The following WASHC5 variants were observed in gnomAD, a reference collection of about 807,000 sequenced individuals.
WASHC5 encodes WASH complex subunit 5, also known as WASH complex subunit strumpellin.
In WASHC5, 101 loss-of-function variants were observed where a neutral mutation model predicts 150.4. That is an observed-to-expected ratio of 0.67 (90% CI 0.57 to 0.79). WASHC5 has a LOEUF of 0.79. Ranked by LOEUF, WASHC5 falls within the 30% of genes least tolerant of loss-of-function variation. WASHC5 has a pLI of 0.00. For synonymous variants in WASHC5, 467 were observed against 491.2 expected (o/e 0.95, Z 0.65); for missense variants, 1,195 against 1,396.3 (o/e 0.86, Z 2.30).
chr8:125,052,539 C>T (rs1017990390), intron 17 of WASHC5, among the ~76,000 whole-genome samples: 1 of 151,870 alleles, frequency 6.6e-6, no homozygotes, highest in African/African-American at 2.4e-5. Context: ...TGTACAGAGA[C>T]ACGCAAGTAT....
At chr8:125,076,798 T>G (rs573987661) in intron 6 of WASHC5, among the ~76,000 whole-genome samples, 1 of 150,320 alleles carries the variant, frequency 6.7e-6, no homozygotes, top group East Asian at 1.9e-4. Context: ...TCTCCATTTT[T>G]GTATCTTTCC....
At chr8:125,037,405 T>A (rs1815747042) in intron 25 of WASHC5, 72 bp from the exon 26 acceptor site, 1 of 952,244 alleles carries the variant, frequency 1.1e-6, no homozygotes, top group East Asian at 2.4e-5. Context: ...GGTTTCCAAA[T>A]GAAAATCTTC....
At chr8:125,066,440 C>T (rs1329484912) in intron 10 of WASHC5, among the ~76,000 whole-genome samples, 1 of 152,128 alleles carries the variant, frequency 6.6e-6, no homozygotes, top group African/African-American at 2.4e-5. Context: ...TGATCCAAGC[C>T]CCCAGGGATA....
chr8:125,039,723 T>C, intron 24 of WASHC5, 72 bp downstream of exon 24: 1 of 1,008,452 alleles, frequency 9.9e-7, no homozygotes, highest in South Asian at 1.3e-5. Context: ...GAGTAAGAAC[T>C]GAAGAAACTG....
chr8:125,061,050 C>T (rs1325098223), intron 12 of WASHC5, 32 bp downstream of exon 12: 5 of 1,260,122 alleles, frequency 4.0e-6, no homozygotes, highest in Non-Finnish European at 5.8e-6. Context: ...ATTCATGATC[C>T]AAGAACCTGC....
At position 125,028,628 on chromosome 8, in the gene WASHC5, G is replaced by T. The variant is rs190787328; in HGVS notation, c.3415C>A (p.Pro1139Thr). The change falls in exon 28 of 29, where the codon CCC becomes ACC. Residue 1139 changes from proline to threonine, a missense_variant. Around this residue, in one of 3 missense-constraint regions of WASHC5, gnomAD observed 997 missense variants for 1,168.1 expected, o/e 0.85. Transcript: ENST00000318410. The stretch of plus-strand genomic sequence containing the variant: ...TACTATCTATCACTTACCCTCCTGG[G>T]TAGCTTTGTGTACCGAACATAATCC... ...LEDYVRYTKL[P>T]RRVAEAHVPN... is the part of the protein sequence containing the mutation. 4 of 1,607,768 alleles carry T rather than the reference G, an allele frequency of 2.5e-6. No individual in the cohort carries two copies. The East Asian group carries it at 8.9e-5, about 36-fold the overall frequency.
chr8:125,038,669 GA>G (rs1398425768), intron 25 of WASHC5, among the ~76,000 whole-genome samples, 160 bp downstream of exon 25: 32 of 152,314 alleles, frequency 2.1e-4, no homozygotes, highest in African/African-American at 7.2e-4. Flanking sequence ...GCCAGGCGGG[GA>G]AAGTGTGATG....
chr8:125,081,397 C>A (rs1817257820), intron 5 of WASHC5, among the ~76,000 whole-genome samples: 1 of 152,074 alleles, frequency 6.6e-6, no homozygotes, highest in African/African-American at 2.4e-5. Context: ...ACCACCGTGC[C>A]TGGCTAATTT....
chr8:125,076,610 C>G (rs1377940052), intron 6 of WASHC5, 110 bp from the exon 7 acceptor site: 6 of 1,291,098 alleles, frequency 4.6e-6, no homozygotes, highest in Non-Finnish European at 6.6e-6. Flanking sequence ...CAAAGCCCAT[C>G]ACCTTTCAGG....
At chr8:125,079,728 C>T (rs906793961) in intron 5 of WASHC5, among the ~76,000 whole-genome samples, 1 of 152,070 alleles carries the variant, frequency 6.6e-6, no homozygotes, top group Non-Finnish European at 1.5e-5. Flanking sequence ...TAAATATTTA[C>T]AAAAGTGAGA....
chr8:125,050,813 T>G, intron 17 of WASHC5, 148 bp from the exon 18 acceptor site: 1 of 681,238 alleles, frequency 1.5e-6, no homozygotes, highest in South Asian at 1.6e-5. Flanking sequence ...CCTGTCCCTG[T>G]GATCTTGCAC....
chr8:125,032,618 T>G (rs1160672241), intron 26 of WASHC5: 1 of 564,440 alleles, frequency 1.8e-6, no homozygotes, highest in Non-Finnish European at 3.2e-6. Context: ...GTTACTAAAT[T>G]TTGTAATTAT....
chr8:125,052,882 T>C (rs75893826), intron 17 of WASHC5, among the ~76,000 whole-genome samples: 2 of 152,136 alleles, frequency 1.3e-5, no homozygotes, highest in African/African-American at 4.8e-5. Context: ...ACACTGAATA[T>C]ACCTAATCTA....
intron 26 of WASHC5, among the ~76,000 whole-genome samples, chr8:125,036,501 T>C (rs1235092801): frequency 6.6e-6 from 1 of 152,068 alleles, no homozygotes; most frequent in Non-Finnish European, 1.5e-5. Flanking sequence ...CAAAACCCTG[T>C]TGCTACAAAA....
intron 20 of WASHC5, 135 bp from the exon 21 acceptor site, chr8:125,044,833 T>C (rs928532228): frequency 5.4e-6 from 5 of 919,938 alleles, no homozygotes; most frequent in Admixed American, 1.7e-5. Context: ...AACCTCTGTA[T>C]TCAGGCACCC....
chr8:125,078,968 C>T (rs1312120068), intron 5 of WASHC5, 38 bp from the exon 6 acceptor site: 1 of 1,549,372 alleles, frequency 6.5e-7, no homozygotes, highest in Admixed American at 1.7e-5. Context: ...AGACCCAAAA[C>T]ACACATATTA....
At chr8:125,044,363 A>C in intron 21 of WASHC5, 173 bp downstream of exon 21, 1 of 765,010 alleles carries the variant, frequency 1.3e-6, no homozygotes, top group East Asian at 2.5e-5. Flanking sequence ...TATGCTGGCC[A>C]AACAAATTCT....
Position 125,078,469 on chromosome 8 carries a change from T to C in WASHC5, c.711+269A>G, listed in dbSNP as rs6470335. 0.13 allele frequency among the ~76,000 whole-genome samples: 19,689 copies of C among 152,210 alleles called. 3,107 individuals carry two copies. The highest frequency in any genetic ancestry group is 0.38 in the African/African-American group (15,617 of 41,488). Reference sequence around the variant, plus strand: ...CGCATGTGAATGGGCACGTATCACATACTCAACAACCATTTCTTGAATGAA... The same window carrying C: ...CGCATGTGAATGGGCACGTATCACACACTCAACAACCATTTCTTGAATGAA... On this transcript the variant is annotated intron_variant, in intron 6 of 28. Transcript: ENST00000318410.
In WASHC5 at chr8:125,059,395, C is replaced by G. The variant is rs749056160; in HGVS notation, c.1669G>C (p.Ala557Pro). 6.2e-7 allele frequency: 1 copy of G among 1,614,116 alleles called. No individual in the cohort carries two copies. The highest frequency in any genetic ancestry group is 8.5e-7 in the Non-Finnish European group (1 of 1,180,006). ...TMQIVGDLSFAWQLIDSFTSI... is the reference protein window; with the variant it reads ...TMQIVGDLSFPWQLIDSFTSI... Reference sequence around the variant, plus strand: ...CATTACCTGTCAATCAACTGCCAAGCGAAAGAAAGGTCCCCAACGATCTGC... The same window carrying G: ...CATTACCTGTCAATCAACTGCCAAGGGAAAGAAAGGTCCCCAACGATCTGC... The change falls in exon 13 of 29, where the codon GCT (alanine) becomes CCT (proline). Residue 557 changes from alanine (A) to proline (P), a missense_variant. Coordinates refer to ENST00000318410, the MANE Select transcript of WASHC5 (RefSeq NM_014846.4).
Sources: gnomAD v4.1 joint callset for allele counts (sites outside exome capture counted in the v4.1 genomes callset) on GRCh38, gnomAD v4.1.1 for gene constraint, gnomAD v4.1.1 regional missense constraint, MANE v1.5 for transcripts, NCBI Gene and HGNC (gene_info 2026-07-23, HGNC 2026-07-21) for gene names.